NLK: variants seen among roughly 807,000 people sequenced by gnomAD.
NLK encodes the protein nemo like kinase, also known as serine/threonine-protein kinase NLK.
Under a neutral mutation model 59.0 loss-of-function variants are expected in NLK, and 11 were observed. The ratio of observed to expected loss-of-function variants is 0.19; its 90% confidence interval spans 0.12 to 0.31. NLK has a LOEUF of 0.31. Ranked by LOEUF, NLK falls within the 10% of genes least tolerant of loss-of-function variation. NLK has a pLI of 1.00. For missense variants in NLK, 410 were observed against 661.1 expected (o/e 0.62, Z 4.16); for synonymous variants, 235 against 235.9 (o/e 1.00, Z 0.03).
At chr17:28,088,266 C>T (rs915053027) in intron 1 of NLK, among the ~76,000 whole-genome samples, 13 of 152,122 alleles carry the variant, frequency 8.5e-5, no homozygotes, top group African/African-American at 3.1e-4. Context: ...TCAGGAGGCA[C>T]ATAATATTGG....
intron 3 of NLK, among the ~76,000 whole-genome samples, chr17:28,146,496 CTG>C (rs1214895197): frequency 6.6e-6 from 1 of 152,118 alleles, no homozygotes; most frequent in African/African-American, 2.4e-5. Flanking sequence ...AGCAGTAACT[CTG>C]TGTAGTAGGT....
chr17:28,082,369 G>A (rs529587031), intron 1 of NLK, among the ~76,000 whole-genome samples: 1 of 152,260 alleles, frequency 6.6e-6, no homozygotes, highest in Non-Finnish European at 1.5e-5. Flanking sequence ...AGGGAGGGAT[G>A]TGTGTGCTAG....
intron 1 of NLK, among the ~76,000 whole-genome samples, chr17:28,049,459 A>G (rs1909172470): frequency 1.3e-5 from 2 of 152,084 alleles, no homozygotes. Context: ...CCAAATGGGG[A>G]TATTTAGTCT....
chr17:28,110,853 G>T lies in NLK; in HGVS notation c.459-11750G>T, dbSNP rs575084730. ...TTCTTTTTTTTGTTTGTTTGTTTTT[G>T]TTTTTTTTTGAGACGGAGTCTCGCT... is the stretch of plus-strand genomic sequence containing the variant. On this transcript the variant is annotated intron_variant, in intron 1 of 10. Coordinates refer to ENST00000407008, the MANE Select transcript of NLK (RefSeq NM_016231.5). Among the ~76,000 whole-genome samples, 309 of 149,628 alleles carry T rather than the reference G, an allele frequency of 2.1e-3. 7 individuals carry two copies. The highest frequency in any genetic ancestry group is 0.018 in the Admixed American group (264 of 15,030).
intron 1 of NLK, among the ~76,000 whole-genome samples, chr17:28,109,589 G>T (rs896002106): frequency 6.6e-6 from 1 of 152,102 alleles, no homozygotes; most frequent in African/African-American, 2.4e-5. Context: ...TTTTTTCCAA[G>T]AATTTCTTAT....
Position 28,172,577 on chromosome 17 carries a change from GA to G in NLK, c.1110del (p.Gly371AlafsTer52). ...PSLEAMRTAC[E>X]GAKAHILRGP... ...ACTGGAAGCAATGAGGACAGCTTGT[GA>G]AGGCGCTAAGGCACATATACTCAGG... is the stretch of plus-strand genomic sequence containing the variant. On this transcript the variant is annotated frameshift_variant, in exon 7 of 11. Coordinates refer to ENST00000407008, the MANE Select transcript of NLK (RefSeq NM_016231.5). LOFTEE classifies it high-confidence loss of function. 6.3e-7 allele frequency: 1 copy of G among 1,597,890 alleles called. No individual in the cohort carries two copies. The highest frequency in any genetic ancestry group is 8.5e-7 in the Non-Finnish European group (1 of 1,172,856).
chr17:28,126,808 A>T (rs1313587975), intron 2 of NLK, among the ~76,000 whole-genome samples: 1 of 152,208 alleles, frequency 6.6e-6, no homozygotes, highest in Non-Finnish European at 1.5e-5. Context: ...TAGGCTTATT[A>T]CTAGTATCTA....
At chr17:28,120,592 G>A (rs966794379) in intron 1 of NLK, among the ~76,000 whole-genome samples, 1 of 152,010 alleles carries the variant, frequency 6.6e-6, no homozygotes, top group African/African-American at 2.4e-5. Context: ...CTCCAGCCTG[G>A]GTGACAGTGA....
Position 28,094,474 on chromosome 17 carries a change from G to A in NLK, c.459-28129G>A, listed in dbSNP as rs546460342. 4.6e-5 allele frequency among the ~76,000 whole-genome samples: 7 copies of A among 152,314 alleles called. No homozygotes were observed. The East Asian group carries it at 1.4e-3, about 29-fold the overall frequency. ...AGTTCAAAGCTTATGTACCAGAGAGGAAGGTAGTATTGGGAGGGGAGTTCT... is the reference window on the plus strand; with the variant it reads ...AGTTCAAAGCTTATGTACCAGAGAGAAAGGTAGTATTGGGAGGGGAGTTCT... On this transcript the variant is annotated intron_variant, in intron 1 of 10. Transcript: ENST00000407008.
intron 1 of NLK, among the ~76,000 whole-genome samples, chr17:28,064,517 A>G (rs1050689981): frequency 6.6e-6 from 1 of 152,126 alleles, no homozygotes; most frequent in Non-Finnish European, 1.5e-5. Context: ...TGGGAACAAA[A>G]TTAATATCAT....
At chr17:28,097,422 A>T (rs1321918367) in intron 1 of NLK, among the ~76,000 whole-genome samples, 1 of 152,130 alleles carries the variant, frequency 6.6e-6, no homozygotes, top group Non-Finnish European at 1.5e-5. Flanking sequence ...CTTTTTCTGC[A>T]GTCAAACTTA....
intron 1 of NLK, among the ~76,000 whole-genome samples, chr17:28,065,828 G>T (rs1409948975): frequency 6.6e-6 from 1 of 152,074 alleles, no homozygotes; most frequent in African/African-American, 2.4e-5. Flanking sequence ...TGGGCCTTCA[G>T]TGTTCTCTAG....
chr17:28,130,709 ATG>A (rs1906481285), intron 2 of NLK, among the ~76,000 whole-genome samples: 3 of 152,150 alleles, frequency 2.0e-5, no homozygotes, highest in Admixed American at 1.3e-4. Context: ...CTTAGACAGG[ATG>A]TGTGTTGCTC....
chr17:28,119,324 A>G (rs1905916907), intron 1 of NLK, among the ~76,000 whole-genome samples: 1 of 152,202 alleles, frequency 6.6e-6, no homozygotes, highest in Admixed American at 6.5e-5. Flanking sequence ...AGCCACAGGC[A>G]TGACTGGCTT....
intron 1 of NLK, among the ~76,000 whole-genome samples, chr17:28,091,791 T>G (rs1349070820): frequency 1.3e-5 from 2 of 152,190 alleles, no homozygotes; most frequent in Non-Finnish European, 2.9e-5. Flanking sequence ...GAAGAAACAT[T>G]GCAGGTGTGC....
At chr17:28,070,640 C>T (rs1156584049) in intron 1 of NLK, among the ~76,000 whole-genome samples, 1 of 151,894 alleles carries the variant, frequency 6.6e-6, no homozygotes, top group Non-Finnish European at 1.5e-5. Context: ...CATGAGCCAC[C>T]GTGCCCAGCC....
intron 1 of NLK, among the ~76,000 whole-genome samples, chr17:28,044,618 G>C (rs1321418089): frequency 6.6e-6 from 1 of 152,170 alleles, no homozygotes; most frequent in African/African-American, 2.4e-5. Flanking sequence ...TGGTAATGGT[G>C]CCTTGGTCAT....
chr17:28,121,583 A>G (rs1351984954), intron 1 of NLK, among the ~76,000 whole-genome samples: 1 of 138,470 alleles, frequency 7.2e-6, no homozygotes, highest in African/African-American at 2.8e-5. Context: ...GCTAACTGCA[A>G]CCTCCGCCTC....
intron 3 of NLK, among the ~76,000 whole-genome samples, chr17:28,138,196 G>T (rs1451637870): frequency 2.6e-5 from 4 of 152,124 alleles, no homozygotes; most frequent in Non-Finnish European, 2.9e-5. Context: ...TTACCTACAG[G>T]GTTGGAAATA....
Sources: allele counts gnomAD v4.1 joint callset (sites outside exome capture counted in the v4.1 genomes callset), GRCh38; gene constraint gnomAD v4.1.1; transcripts MANE v1.5; gene names NCBI Gene and HGNC (gene_info 2026-07-23, HGNC 2026-07-21).